The following AP1G1 variants were observed in gnomAD, a reference collection of about 807,000 sequenced individuals.
AP1G1 encodes adaptor related protein complex 1 subunit gamma 1.
A neutral mutation model predicts 108.3 loss-of-function variants in AP1G1; 7 were observed. The ratio of observed to expected loss-of-function variants is 0.06; its 90% CI spans 0.04 to 0.12. The LOEUF is 0.12. AP1G1 is among the 10% of genes least tolerant of loss of function. The pLI is 1.00. For synonymous variants in AP1G1, 379 were observed against 353.5 expected (o/e 1.07, Z -0.81); for missense variants, 756 against 1,010.7 (o/e 0.75, Z 3.42).
intron 15 of AP1G1, among the ~76,000 whole-genome samples, chr16:71,748,979 TCACTGCAAGCTC>T (rs1289961358): frequency 6.6e-6 from 1 of 152,032 alleles, no homozygotes; most frequent in Non-Finnish European, 1.5e-5. Context: ...CAATCTTGGC[TCACTGCAAGCTC>T]CACCTCCCGG....
chr16:71,806,525 G>GCCA (rs2033002757), intron 1 of AP1G1, among the ~76,000 whole-genome samples: 1 of 152,168 alleles, frequency 6.6e-6, no homozygotes, highest in African/African-American at 2.4e-5. Context: ...ACAAGCATGA[G>GCCA]CCACTGAGCG....
chr16:71,777,608 C>A, intron 2 of AP1G1: 3 of 418,846 alleles, frequency 7.2e-6, no homozygotes, highest in South Asian at 3.6e-5. Flanking sequence ...GGCGGTCATG[C>A]CGATGCCCCA....
At chr16:71,769,372 A>C (rs2031478830) in intron 6 of AP1G1, among the ~76,000 whole-genome samples, 1 of 152,168 alleles carries the variant, frequency 6.6e-6, no homozygotes, top group Non-Finnish European at 1.5e-5. Context: ...AGTAGATAAA[A>C]CACATGAGAT....
intron 11 of AP1G1, among the ~76,000 whole-genome samples, chr16:71,757,402 G>GGTCGC (rs72487898): frequency 3.0e-5 from 2 of 67,226 alleles, no homozygotes; most frequent in Non-Finnish European, 6.6e-5. Context: ...AGTGAGCCGA[G>GGTCGC]GTCGCACCAC....
rs2031893516 is a variant in AP1G1, at chr16:71,778,869, T to C, written c.202-4277A>G. On this transcript the variant is annotated intron_variant, in intron 2 of 22. Transcript: ENST00000299980. Reference sequence around the variant, plus strand: ...CAAAACTCCACACTGTTGCATGAGTTAAAGAACAGAAGGAAAAAAGTAATC... The same window carrying C: ...CAAAACTCCACACTGTTGCATGAGTCAAAGAACAGAAGGAAAAAAGTAATC... 2.6e-5 allele frequency among the ~76,000 whole-genome samples: 4 copies of C among 152,244 alleles called. No individual in the cohort carries two copies. In the South Asian group the frequency reaches 8.3e-4, roughly 32 times the overall value.
intron 2 of AP1G1, among the ~76,000 whole-genome samples, chr16:71,788,268 T>C (rs769617346): frequency 1.3e-5 from 2 of 152,208 alleles, no homozygotes; most frequent in Non-Finnish European, 2.9e-5. Flanking sequence ...GTCTGTTCCT[T>C]AGAGAGACTA....
rs1273149214 is a variant in AP1G1 at position 71,745,560 on chromosome 16, A to G, written c.1785T>C (p.Pro595=). ...CTCCATTTGTCTGCACAATCTCAGT[A>G]GGGCCATTTGTGGTCACTTTTTCCA... ...PVMEKVTTNG[P]TEIVQTNGET... The change falls in exon 18 of 23, where the codon CCT becomes CCC. Residue 595 remains proline, a synonymous_variant. Transcript: ENST00000299980. 1 of 1,614,040 alleles carries G rather than the reference A, an allele frequency of 6.2e-7. No individual in the cohort carries two copies. The highest frequency in any genetic ancestry group is 8.5e-7 in the Non-Finnish European group (1 of 1,180,046).
rs543189636 is a variant in AP1G1 at position 71,777,329 on chromosome 16, G to A, written c.202-2737C>T. Among the ~76,000 whole-genome samples the A allele has an allele frequency of 2.5e-4, 38 of 151,784 alleles. No individual in the cohort carries two copies. The East Asian group carries it at 6.9e-3, about 27-fold the overall frequency. Reference sequence around the variant, plus strand: ...ACCAGAGGGTGGGGGGAGCGGGAGGGAGGCAAGAAGAAAACAAAGAGAGAG... The same window carrying A: ...ACCAGAGGGTGGGGGGAGCGGGAGGAAGGCAAGAAGAAAACAAAGAGAGAG... On this transcript the variant is annotated intron_variant, in intron 2 of 22. Transcript: ENST00000299980.
intron 2 of AP1G1, among the ~76,000 whole-genome samples, chr16:71,781,815 TA>T (rs2145507867): frequency 6.6e-6 from 1 of 152,350 alleles, no homozygotes; most frequent in African/African-American, 2.4e-5. Context: ...CATGTCTTTG[TA>T]TACTGGAAAA....
At chr16:71,769,492 A>G in intron 6 of AP1G1, 131 bp downstream of exon 6, 1 of 854,192 alleles carries the variant, frequency 1.2e-6, no homozygotes, top group Non-Finnish European at 2.0e-6. Context: ...CCAATTGCAT[A>G]GCAGGGCTAG....
intron 11 of AP1G1, among the ~76,000 whole-genome samples, chr16:71,756,661 G>T (rs1225382793): frequency 6.6e-6 from 1 of 152,142 alleles, no homozygotes; most frequent in Non-Finnish European, 1.5e-5. Flanking sequence ...CAAATTCAAG[G>T]CCGAGCGTGG....
intron 1 of AP1G1, chr16:71,808,182 T>A: frequency 4.6e-6 from 5 of 1,090,698 alleles, no homozygotes; most frequent in Middle Eastern, 8.6e-4. Flanking sequence ...TACTCGCAGG[T>A]AGGTTGAAAA....
intron 2 of AP1G1, 60 bp from the exon 3 acceptor site, chr16:71,774,652 G>C: frequency 6.6e-7 from 1 of 1,519,390 alleles, no homozygotes; most frequent in Non-Finnish European, 8.8e-7. Context: ...ATCTAGAAAA[G>C]CAGTGTTTTT....
At chr16:71,738,217 A>AT (rs61059579) in intron 21 of AP1G1, among the ~76,000 whole-genome samples, 15,511 of 144,220 alleles carry the variant, frequency 0.11, 1,254 homozygotes, top group South Asian at 0.42. Context: ...CGCCCGGCTA[A>AT]TTTTTTTTTT....
At chr16:71,801,795 G>A (rs1231136099) in intron 1 of AP1G1, among the ~76,000 whole-genome samples, 4 of 151,872 alleles carry the variant, frequency 2.6e-5, no homozygotes, top group African/African-American at 4.8e-5. Flanking sequence ...GGTGGCGGGC[G>A]CCTGCAGTCC....
At chr16:71,743,907 C>A (rs1405917135) in intron 19 of AP1G1, among the ~76,000 whole-genome samples, 2 of 137,762 alleles carry the variant, frequency 1.5e-5, no homozygotes, top group Non-Finnish European at 3.0e-5. Flanking sequence ...GATCATGCTA[C>A]TGCACTCCAG....
intron 1 of AP1G1, among the ~76,000 whole-genome samples, chr16:71,794,374 CTT>C (rs779822370): frequency 5.9e-5 from 9 of 152,092 alleles, no homozygotes; most frequent in Non-Finnish European, 1.0e-4. Context: ...AAATGTCCCT[CTT>C]TGTCCTGTTT....
At chr16:71,764,320 G>T (rs758751344) in intron 9 of AP1G1, 30 bp downstream of exon 9, 10 of 1,357,402 alleles carry the variant, frequency 7.4e-6, no homozygotes, top group African/African-American at 5.9e-5. Flanking sequence ...AAACATTTAG[G>T]GGGGGAAGAA....
chr16:71,741,065 T>A (rs2045613158), intron 19 of AP1G1, among the ~76,000 whole-genome samples: 1 of 152,046 alleles, frequency 6.6e-6, no homozygotes, highest in Non-Finnish European at 1.5e-5. Context: ...TCATAGAACA[T>A]GAGGGATATC....
Sources: allele counts gnomAD v4.1 joint callset (sites outside exome capture counted in the v4.1 genomes callset), GRCh38; gene constraint gnomAD v4.1.1; transcripts MANE v1.5; gene names NCBI Gene and HGNC (gene_info 2026-07-23, HGNC 2026-07-21).